ITGA9: variants seen among roughly 807,000 people sequenced by gnomAD.
The protein encoded by ITGA9 is integrin alpha-9.
Under a neutral mutation model 127.8 loss-of-function variants are expected in ITGA9, and 56 were observed. The ratio of observed to expected loss-of-function variants is 0.44; its 90% CI spans 0.35 to 0.55. The LOEUF is 0.55. ITGA9 is among the 20% of genes least tolerant of loss of function. ITGA9 has a pLI of 0.00. For synonymous variants in ITGA9, 508 were observed against 514.5 expected (o/e 0.99, Z 0.17); for missense variants, 1,196 against 1,347.1 (o/e 0.89, Z 1.76).
At chr3:37,516,455 T>C (rs966786559) in intron 9 of ITGA9, among the ~76,000 whole-genome samples, 1 of 152,020 alleles carries the variant, frequency 6.6e-6, no homozygotes, top group African/African-American at 2.4e-5. Context: ...ATCTTCCTTA[T>C]GGAGTCATTG....
At chr3:37,719,828 T>C (rs1031030106) in intron 18 of ITGA9, among the ~76,000 whole-genome samples, 1 of 152,176 alleles carries the variant, frequency 6.6e-6, no homozygotes, top group Non-Finnish European at 1.5e-5. Flanking sequence ...ACCCCAATGC[T>C]TGTCCCAAAG....
In ITGA9 at chr3:37,452,342, C is replaced by G; in HGVS notation, c.-33C>G. On this transcript the variant is annotated 5_prime_UTR_variant, in exon 1 of 28. Transcript: ENST00000264741. The surrounding 1 kb of genome is among the most constrained non-coding windows in gnomAD (Gnocchi z 7.3). ...GCCCGCGCGCTCGGCGCCCTGCTCG[C>G]CGGGCAGAGGGGAAGGCGGCGGCCG... is the stretch of plus-strand genomic sequence containing the variant. The G allele has an allele frequency of 9.3e-7, 1 of 1,076,358 alleles. No individual in the cohort carries two copies. The highest frequency in any genetic ancestry group is 1.1e-6 in the Non-Finnish European group (1 of 889,606). The allele number at this position is 1,076,358 out of a possible 1,614,324, so 66.7% of individuals were successfully genotyped here.
chr3:37,597,466 G>A lies in ITGA9; in HGVS notation c.1690-31721G>A, dbSNP rs573806829. 1.4e-3 allele frequency among the ~76,000 whole-genome samples: 217 copies of A among 152,168 alleles called. 1 individual carries two copies. Among genetic ancestry groups the A allele is most frequent in the African/African-American group, 4.8e-3 (199 of 41,532 alleles). ...CTAATGGTGGAGGTGAAGAGAAGAG[G>A]GCAGGCTGCAGAAAAGGCAGGATAC... On this transcript the variant is annotated intron_variant, in intron 15 of 27. Transcript: ENST00000264741. This position sits in a 1 kb window ranked among gnomAD's most constrained non-coding sequence, Gnocchi z 4.6.
chr3:37,643,187 G>C (rs1387732860), intron 16 of ITGA9, among the ~76,000 whole-genome samples: 2 of 152,142 alleles, frequency 1.3e-5, no homozygotes, highest in Non-Finnish European at 2.9e-5. Context: ...AGAGGAAAAG[G>C]CTCCTGCCCT....
Position 37,821,195 on chromosome 3 carries a change from T to G in ITGA9, c.*2206T>G, listed in dbSNP as rs1195510117. ...AGGGATGTTGCATCTAACTGTGGGA[T>G]GGAGGCACAGAGGTAGCTACAGGGA... is the stretch of plus-strand genomic sequence containing the variant. On this transcript the variant is annotated 3_prime_UTR_variant, in exon 28 of 28. Coordinates refer to ENST00000264741, the MANE Select transcript of ITGA9 (RefSeq NM_002207.3). 6.6e-6 allele frequency: 1 copy of G among 152,240 alleles called. No individual in the cohort carries two copies. Among genetic ancestry groups the G allele is most frequent in the Admixed American group, 6.5e-5 (1 of 15,282 alleles). The allele number at this position is 152,240 out of a possible 1,614,324, so 9.4% of individuals were successfully genotyped here. A position where few individuals can be genotyped will look rare whatever the true frequency, so the allele number is the denominator to read the frequency against.
At chr3:37,698,951 T>C (rs1269703016) in intron 18 of ITGA9, among the ~76,000 whole-genome samples, 2 of 152,330 alleles carry the variant, frequency 1.3e-5, no homozygotes, top group East Asian at 3.9e-4. Context: ...CCCTCAGCCA[T>C]TGGGACACTT....
intron 18 of ITGA9, among the ~76,000 whole-genome samples, chr3:37,697,231 G>A (rs147370171): frequency 5.3e-5 from 8 of 152,040 alleles, no homozygotes; most frequent in Non-Finnish European, 8.8e-5. Context: ...CCTACACCTG[G>A]CTAAATCCAG....
chr3:37,752,879 G>A (rs1054657759), intron 23 of ITGA9, among the ~76,000 whole-genome samples: 2 of 152,138 alleles, frequency 1.3e-5, no homozygotes, highest in Non-Finnish European at 2.9e-5. Flanking sequence ...GCCTAATGAA[G>A]TGTAACCACT....
At chr3:37,566,057 A>G (rs1192665836) in intron 15 of ITGA9, among the ~76,000 whole-genome samples, 1 of 152,218 alleles carries the variant, frequency 6.6e-6, no homozygotes, top group East Asian at 1.9e-4. Flanking sequence ...CTGTCTCTCT[A>G]TATCTATAAC....
chr3:37,697,995 T>C (rs558076407), intron 18 of ITGA9, among the ~76,000 whole-genome samples: 2 of 152,348 alleles, frequency 1.3e-5, no homozygotes, highest in Non-Finnish European at 2.9e-5. Context: ...CTCCAGCATC[T>C]GTGGTTTCCT....
chr3:37,758,324 C>T (rs1251324309), intron 23 of ITGA9, among the ~76,000 whole-genome samples: 3 of 8,334 alleles, frequency 3.6e-4, no homozygotes, highest in East Asian at 5.6e-3. Flanking sequence ...AGCGAGACTC[C>T]GTCTCAAAAA....
chr3:37,598,753 A>G (rs908965857), intron 15 of ITGA9, among the ~76,000 whole-genome samples: 5 of 152,134 alleles, frequency 3.3e-5, no homozygotes, highest in African/African-American at 1.2e-4. Flanking sequence ...GTGGTTCATA[A>G]TGGTGGGCTG....
chr3:37,666,328 T>G (rs868311795), intron 17 of ITGA9, among the ~76,000 whole-genome samples: 4 of 152,200 alleles, frequency 2.6e-5, no homozygotes, highest in African/African-American at 9.6e-5. Flanking sequence ...GGTGAGGATG[T>G]GCCATAGCAC....
In ITGA9 at chr3:37,699,201, C is replaced by T. The variant is rs187139512; in HGVS notation, c.2067+15186C>T. On this transcript the variant is annotated intron_variant, in intron 18 of 27. Coordinates refer to ENST00000264741, the MANE Select transcript of ITGA9 (RefSeq NM_002207.3). ...ATGAACTGGTCAAGTCTCATAACTT[C>T]ATATCATGGACATGCTGACAACTCC... Among the ~76,000 whole-genome samples the T allele has an allele frequency of 2.0e-5, 3 of 152,296 alleles. No individual in the cohort carries two copies. In the East Asian group the frequency reaches 5.8e-4, roughly 29 times the overall value.
chr3:37,621,466 T>C (rs1216813869), intron 15 of ITGA9, among the ~76,000 whole-genome samples: 1 of 152,214 alleles, frequency 6.6e-6, no homozygotes, highest in Non-Finnish European at 1.5e-5. Context: ...CTATATTCCA[T>C]GCTTTTGGAC....
intron 20 of ITGA9, among the ~76,000 whole-genome samples, chr3:37,739,030 A>AT (rs1397233037): frequency 6.6e-6 from 1 of 152,206 alleles, no homozygotes; most frequent in Non-Finnish European, 1.5e-5. Flanking sequence ...GACCTGGGCA[A>AT]TGGAGTTTTC....
At chr3:37,471,254 C>A in intron 2 of ITGA9, 120 bp downstream of exon 2, 1 of 1,126,746 alleles carries the variant, frequency 8.9e-7, no homozygotes. Flanking sequence ...TTCCCTCCCT[C>A]CTTCTCTCCA....
intron 9 of ITGA9, 152 bp downstream of exon 9, chr3:37,514,052 G>A: frequency 1.1e-6 from 1 of 920,916 alleles, no homozygotes; most frequent in Non-Finnish European, 1.7e-6. Flanking sequence ...TAAGCTCAAT[G>A]GCCCATTAAT....
intron 1 of ITGA9, among the ~76,000 whole-genome samples, chr3:37,461,678 A>G (rs1375775070): frequency 6.6e-6 from 1 of 152,222 alleles, no homozygotes; most frequent in South Asian, 2.1e-4. Context: ...ACTCTTCATT[A>G]TGTGTGGCCT....
Sources: gnomAD v4.1 joint callset for allele counts (sites outside exome capture counted in the v4.1 genomes callset) on GRCh38, gnomAD v4.1.1 for gene constraint, Gnocchi (gnomAD v3.1) non-coding constraint, MANE v1.5 for transcripts, NCBI Gene and HGNC (gene_info 2026-07-23, HGNC 2026-07-21) for gene names.